COL5A3: variants seen among roughly 807,000 people sequenced by gnomAD.
COL5A3 encodes collagen type V alpha 3 chain.
COL5A3 carries 172 observed loss-of-function variants against 250.0 expected under a neutral mutation model. The ratio of observed to expected loss-of-function variants is 0.69; its 90% CI spans 0.61 to 0.78. The LOEUF (loss-of-function observed/expected upper bound fraction) is 0.78. Ranked by LOEUF, COL5A3 falls within the 30% of genes least tolerant of loss-of-function variation. The probability of loss-of-function intolerance (pLI) is 0.00; values close to 1 mark genes in which losing one functional copy is unlikely to be tolerated. For missense variants in COL5A3, 2,340 were observed against 2,334.4 expected, an observed-to-expected ratio of 1.00 and a Z score of -0.05; for synonymous variants, 937 against 900.4, an observed-to-expected ratio of 1.04 and a Z score of -0.73.
intron 21 of COL5A3, 52 bp from the exon 22 acceptor site, chr19:9,992,100 G>GC: frequency 6.5e-7 from 1 of 1,537,188 alleles, no homozygotes; most frequent in Non-Finnish European, 9.0e-7. Context: ...CTGGGAGCCT[G>GC]AGTCTGAGAC....
Position 9,989,152 on chromosome 19 carries a change from G to T in COL5A3, c.2117C>A (p.Pro706Gln). The T allele has an allele frequency of 1.2e-6, 2 of 1,614,192 alleles. No individual in the cohort carries two copies. The highest frequency in any genetic ancestry group is 1.3e-5 in the African/African-American group (1 of 75,052). ...AQGPPGSAGP[P>Q]GYPGPRGVKG... ...CACTCCCCGAGGTCCAGGATAGCCC[G>T]GAGGGCCTGCCGACCCTGGTGGACC... The change falls in exon 27 of 67, where the codon CCG becomes CAG. Residue 706 changes from proline (P) to glutamine (Q), a missense_variant. Pro to Gln is a moderately conservative substitution (Grantham distance 76). Around this residue, in one of 3 missense-constraint regions of COL5A3, gnomAD observed 1,152 missense variants for 1,146.3 expected, o/e 1.00. Transcript: ENST00000264828.
chr19:9,993,762 A>G lies in COL5A3; in HGVS notation c.1632T>C (p.Thr544=). ...AGCCCCCATCACCTACCTTAGGTCC[A>G]GTGTCCCCTGGGAGGCCCCGAGCTC... ...ADGARGLPGD[T]GPKGDRGFDG... is the part of the protein sequence containing the mutation. The change falls in exon 17 of 67, where the codon ACT becomes ACC. Residue 544 remains threonine, a synonymous_variant. Transcript: ENST00000264828. 1 of 1,614,156 alleles carries G rather than the reference A, an allele frequency of 6.2e-7. No homozygotes were observed. The highest frequency in any genetic ancestry group is 2.2e-5 in the East Asian group (1 of 44,880).
chr19:10,000,183 G>C lies in COL5A3; in HGVS notation c.1110+1341C>G, dbSNP rs111701693. On this transcript the variant is annotated intron_variant, in intron 8 of 66. Coordinates refer to ENST00000264828, the MANE Select transcript of COL5A3 (RefSeq NM_015719.4). ...CAGTCCACCATCTTCTTGGTTTGCT[G>C]TCTCTTGGAATAAACCTGCTTTTCC... Among the ~76,000 whole-genome samples, 143 of 152,092 alleles carry C rather than the reference G, an allele frequency of 9.4e-4. 1 individual carries two copies. Among genetic ancestry groups the C allele is most frequent in the Non-Finnish European group, 1.4e-3 (94 of 67,982 alleles).
intron 27 of COL5A3, among the ~76,000 whole-genome samples, 153 bp downstream of exon 27, chr19:9,988,971 C>G (rs1209888545): frequency 6.6e-6 from 1 of 152,090 alleles, no homozygotes; most frequent in Non-Finnish European, 1.5e-5. Context: ...GTAAGGCTGT[C>G]CTTGGCTGTG....
Position 9,969,600 on chromosome 19 carries a change from C to A in COL5A3, c.4073G>T (p.Gly1358Val). ...CACAGGGCCAGGGATCCCTCGAAGA[C>A]CCTCAGGCCCCACACGTCCAGGGGG... ...RGPPGRVGPE[G>V]LRGIPGPVGE... The change falls in exon 56 of 67, where the codon GGT (glycine) becomes GTT (valine). Residue 1358 changes from glycine to valine, a missense_variant. Gly to Val is a moderately radical substitution (Grantham distance 109, BLOSUM62 -3). This residue lies in a region of COL5A3 where 1,179 missense variants were observed against 1,162.6 expected (regional missense o/e 1.01). Transcript: ENST00000264828. 1.2e-6 allele frequency: 2 copies of A among 1,608,140 alleles called. No individual in the cohort carries two copies. Among genetic ancestry groups the A allele is most frequent in the East Asian group, 2.2e-5 (1 of 44,848 alleles).
chr19:10,000,744 G>C (rs1198421315), intron 8 of COL5A3, among the ~76,000 whole-genome samples: 1 of 152,122 alleles, frequency 6.6e-6, no homozygotes, highest in Non-Finnish European at 1.5e-5. Flanking sequence ...AGCAGGTGCA[G>C]AAGTCAAAAG....
intron 6 of COL5A3, among the ~76,000 whole-genome samples, chr19:10,003,311 G>A (rs1330411662): frequency 6.6e-6 from 1 of 152,156 alleles, no homozygotes; most frequent in Non-Finnish European, 1.5e-5. Context: ...ACTGGAGATT[G>A]AGGGGGTCAG....
chr19:9,981,577 C>A (rs143019417), intron 32 of COL5A3, among the ~76,000 whole-genome samples: 3 of 152,324 alleles, frequency 2.0e-5, no homozygotes, highest in Non-Finnish European at 4.4e-5. Context: ...AGTATACATA[C>A]ACTCATGTAC....
intron 1 of COL5A3, among the ~76,000 whole-genome samples, chr19:10,008,791 G>A (rs1335444606): frequency 2.6e-5 from 4 of 152,188 alleles, no homozygotes; most frequent in Admixed American, 6.5e-5. Flanking sequence ...TTGCAGGTGT[G>A]TCTGTGACTT....
intron 16 of COL5A3, among the ~76,000 whole-genome samples, chr19:9,994,559 CATATAT>C (rs57642882): frequency 0.026 from 1,802 of 70,162 alleles, 25 homozygotes; most frequent in Non-Finnish European, 0.036. Flanking sequence ...ATATGTTTTA[CATATAT>C]ATATATATAT....
Position 9,971,227 on chromosome 19 carries a change from G to A in COL5A3, c.3806C>T (p.Pro1269Leu), listed in dbSNP as rs2086841430. 1 of 1,564,572 alleles carries A rather than the reference G, an allele frequency of 6.4e-7. No individual in the cohort carries two copies. Among genetic ancestry groups the A allele is most frequent in the African/African-American group, 1.4e-5 (1 of 71,258 alleles). ...GPTGLPGDLG[P>L]PGDPGVSGID... ...CACTGAAACTCCAGGGTCTCCTGGG[G>A]GCCCTAGATCTCCGGGCAGCCCCGT... is the stretch of plus-strand genomic sequence containing the variant. Residue 1269 changes from proline (P) to leucine (L), a missense_variant, in exon 52 of 67, where the codon CCC becomes CTC. Pro to Leu is a moderately conservative substitution (Grantham distance 98). This residue lies in a region of COL5A3 where 1,179 missense variants were observed against 1,162.6 expected (regional missense o/e 1.01). Transcript: ENST00000264828.
rs954307196 is a variant in COL5A3 at position 9,968,322 on chromosome 19, C to G, written c.4314+63G>C. 2.6e-5 allele frequency: 36 copies of G among 1,369,232 alleles called. No individual in the cohort carries two copies. The highest frequency in any genetic ancestry group is 3.7e-5 in the Non-Finnish European group (36 of 978,710). The allele number at this position is 1,369,232 out of a possible 1,614,324, so 84.8% of individuals were successfully genotyped here. A position where few individuals can be genotyped will look rare whatever the true frequency, so the allele number is the denominator to read the frequency against. On this transcript the variant is annotated intron_variant, in intron 59 of 66. Coordinates refer to ENST00000264828, the MANE Select transcript of COL5A3 (RefSeq NM_015719.4). This position sits in a 1 kb window ranked among gnomAD's most constrained non-coding sequence, Gnocchi z 4.1. ...ACCCACGTTTCCCAGACCCCACACCCACAGTCTCTCAACCGACCCCCTCCT... is the reference window on the plus strand; with the variant it reads ...ACCCACGTTTCCCAGACCCCACACCGACAGTCTCTCAACCGACCCCCTCCT...
chr19:9,991,497 C>T (rs2087188005), intron 24 of COL5A3, 113 bp downstream of exon 24: 4 of 839,948 alleles, frequency 4.8e-6, no homozygotes, highest in Non-Finnish European at 7.3e-6. Context: ...GGGAATGTTG[C>T]AGTCTATCAC....
At chr19:9,977,750 T>C in intron 41 of COL5A3, 49 bp from the exon 42 acceptor site, 1 of 1,408,230 alleles carries the variant, frequency 7.1e-7, no homozygotes, top group South Asian at 1.5e-5. Flanking sequence ...GTAGCTGTCC[T>C]TTATGGAGGG....
intron 31 of COL5A3, among the ~76,000 whole-genome samples, chr19:9,984,164 A>T (rs1180896096): frequency 1.3e-5 from 2 of 151,898 alleles, no homozygotes; most frequent in Non-Finnish European, 2.9e-5. Context: ...CTGGGATTAC[A>T]GGCACCCGCC....
Position 10,005,921 on chromosome 19 carries a change from A to G in COL5A3, c.312T>C (p.Ser104=), listed in dbSNP as rs781467116. ...TTTCATCATAAATGGACAGCAGGAC[A>G]GACTGATTGGCTGGCTGTCCCCGCA... is the stretch of plus-strand genomic sequence containing the variant. ...ITLRGQPANQ[S]VLLSIYDERG... The change falls in exon 3 of 67, where the codon TCT becomes TCC. Residue 104 remains serine (S), a synonymous_variant. Transcript: ENST00000264828. 5.0e-6 allele frequency: 8 copies of G among 1,614,084 alleles called. No homozygotes were observed. In the South Asian group the frequency reaches 6.6e-5, roughly 13 times the overall value.
intron 61 of COL5A3, 155 bp downstream of exon 61, chr19:9,967,749 G>C (rs1161380410): frequency 1.4e-5 from 10 of 715,542 alleles, no homozygotes; most frequent in Non-Finnish European, 2.0e-5. Context: ...TTTTGGATCT[G>C]ATGAAATACA....
intron 27 of COL5A3, among the ~76,000 whole-genome samples, chr19:9,988,463 C>G (rs538731894): frequency 8.5e-5 from 13 of 152,224 alleles, no homozygotes; most frequent in African/African-American, 3.1e-4. Flanking sequence ...GCCCCTGCAC[C>G]TCTATTTAGC....
rs941663606 is a variant in COL5A3 at position 9,962,989 on chromosome 19, A to G, written c.4783-102T>C. 40 of 866,070 alleles carry G rather than the reference A, an allele frequency of 4.6e-5. No individual in the cohort carries two copies. The African/African-American group carries it at 6.6e-4, about 14-fold the overall frequency. The allele number at this position is 866,070 out of a possible 1,614,324, so 53.6% of individuals were successfully genotyped here. A position where few individuals can be genotyped will look rare whatever the true frequency, so the allele number is the denominator to read the frequency against. On this transcript the variant is annotated intron_variant, in intron 64 of 66. Transcript: ENST00000264828. ...CACAGTAGGCTGTTGTGACTATGTC[A>G]GGATGTTCTCTGGCTTCTGGGATGG...
Sources: gnomAD v4.1 joint callset for allele counts (sites outside exome capture counted in the v4.1 genomes callset) on GRCh38, gnomAD v4.1.1 for gene constraint, gnomAD v4.1.1 regional missense constraint, Gnocchi (gnomAD v3.1) non-coding constraint, MANE v1.5 for transcripts, NCBI Gene and HGNC (gene_info 2026-07-23, HGNC 2026-07-21) for gene names.